The following STK3 variants were observed in gnomAD, a reference collection of about 807,000 sequenced individuals.
STK3 encodes the protein serine/threonine-protein kinase 3.
STK3 carries 41 observed loss-of-function variants against 58.0 expected under a neutral mutation model. The ratio of observed to expected loss-of-function variants is 0.71; its 90% CI spans 0.55 to 0.92. STK3 has a LOEUF of 0.92. Among genes scored for constraint, STK3 ranks in the 40% least tolerant of loss-of-function variants. The pLI is 0.00. For synonymous variants in STK3, 170 were observed against 191.0 expected, an observed-to-expected ratio of 0.89 and a Z score of 0.91; for missense variants, 479 against 602.7, an observed-to-expected ratio of 0.79 and a Z score of 2.15.
chr8:98,408,682 G>A (rs1441196729), intron 3 of STK3, among the ~76,000 whole-genome samples: 1 of 152,198 alleles, frequency 6.6e-6, no homozygotes, highest in Non-Finnish European at 1.5e-5. Flanking sequence ...TAAAATGTTA[G>A]ATCAGAAAAA....
At chr8:98,647,817 T>TATCTAA (rs1259133234) in intron 6 of STK3, among the ~76,000 whole-genome samples, 53 of 152,336 alleles carry the variant, frequency 3.5e-4, no homozygotes, top group African/African-American at 1.2e-3. Flanking sequence ...TTGATGTCAT[T>TATCTAA]ATCTAATGTC....
intron 3 of STK3, among the ~76,000 whole-genome samples, chr8:98,859,390 C>T (rs140346364): frequency 6.6e-6 from 1 of 152,132 alleles, no homozygotes; most frequent in Non-Finnish European, 1.5e-5. Flanking sequence ...AAACAGCAGA[C>T]AATTTTGGCC....
intron 6 of STK3, among the ~76,000 whole-genome samples, chr8:98,608,292 T>C (rs1471178279): frequency 1.3e-5 from 2 of 152,206 alleles, no homozygotes; most frequent in Non-Finnish European, 2.9e-5. Flanking sequence ...ATTATTTTTA[T>C]GAAAATAGTA....
intron 6 of STK3, among the ~76,000 whole-genome samples, chr8:98,679,615 C>T (rs1823479489): frequency 6.6e-6 from 1 of 152,134 alleles, no homozygotes; most frequent in African/African-American, 2.4e-5. Flanking sequence ...TTTCCTGCTG[C>T]TGCATCCCTA....
intron 3 of STK3, among the ~76,000 whole-genome samples, chr8:98,762,471 G>A (rs1438064468): frequency 1.3e-5 from 2 of 152,104 alleles, no homozygotes; most frequent in Admixed American, 1.3e-4. Context: ...TGCCAGGCTG[G>A]TCTCAAACTT....
At chr8:98,688,632 C>A (rs1824181995) in intron 6 of STK3, among the ~76,000 whole-genome samples, 1 of 152,158 alleles carries the variant, frequency 6.6e-6, no homozygotes, top group East Asian at 1.9e-4. Flanking sequence ...CTCAAAACCA[C>A]ATAAATACAT....
At chr8:98,471,337 G>T (rs896979295) in intron 10 of STK3, among the ~76,000 whole-genome samples, 1 of 151,228 alleles carries the variant, frequency 6.6e-6, no homozygotes, top group Non-Finnish European at 1.5e-5. Context: ...TAAGAAAAGA[G>T]GCCTGGTTTT....
At chr8:98,709,030 G>T (rs184616794) in intron 4 of STK3, among the ~76,000 whole-genome samples, 18 of 151,816 alleles carry the variant, frequency 1.2e-4, no homozygotes, top group Admixed American at 1.0e-3. Context: ...AAGGAGAGAG[G>T]GGGTAGAGAT....
chr8:98,614,086 A>G (rs568095005), intron 6 of STK3, among the ~76,000 whole-genome samples: 1 of 152,226 alleles, frequency 6.6e-6, no homozygotes, highest in Non-Finnish European at 1.5e-5. Context: ...TAAATTCACC[A>G]TTATCAGTAG....
At chr8:98,922,324 G>C (rs181189867) in intron 1 of STK3, among the ~76,000 whole-genome samples, 71 of 152,234 alleles carry the variant, frequency 4.7e-4, no homozygotes, top group African/African-American at 1.6e-3. Context: ...AAAATATTCT[G>C]GGTTATTGGG....
Position 98,937,900 on chromosome 8 carries a change from G to T in STK3, c.-79+4478C>A, listed in dbSNP as rs72668462. On this transcript the variant is annotated intron_variant, in intron 1 of 1. Coordinates refer to the STK3 transcript ENST00000519420. ...TGAATGTTACTATATCAAACCATCT[G>T]CACTGGGAAGCAAAATTCTGTTAAG... 8.0e-3 allele frequency among the ~76,000 whole-genome samples: 1,216 copies of T among 152,318 alleles called. 11 individuals are homozygous for T. The highest frequency in any genetic ancestry group is 0.04 in the South Asian group (192 of 4,832).
intron 4 of STK3, among the ~76,000 whole-genome samples, chr8:98,713,896 A>G (rs1403664488): frequency 3.3e-5 from 5 of 152,170 alleles, no homozygotes; most frequent in African/African-American, 1.2e-4. Context: ...ATACTGACAA[A>G]CCGAATCCAG....
At chr8:98,464,541 A>T (rs113342773) in intron 10 of STK3, among the ~76,000 whole-genome samples, 463 of 22,762 alleles carry the variant, frequency 0.02, 2 homozygotes, top group African/African-American at 0.099. Context: ...ACTTAAAGTT[A>T]AAAAAAAAAA....
intron 1 of STK3, among the ~76,000 whole-genome samples, chr8:98,925,170 C>A (rs1839740300): frequency 6.6e-6 from 1 of 152,210 alleles, no homozygotes; most frequent in African/African-American, 2.4e-5. Flanking sequence ...AGACTCAATG[C>A]TACTTCTCTC....
intron 4 of STK3, among the ~76,000 whole-genome samples, chr8:98,747,054 A>T (rs946540260): frequency 1.3e-5 from 2 of 151,868 alleles, no homozygotes; most frequent in Admixed American, 6.6e-5. Context: ...AAAAAGGAAA[A>T]AAGAAAACAT....
chr8:98,584,071 T>A (rs191095605), intron 7 of STK3, among the ~76,000 whole-genome samples: 1,838 of 152,036 alleles, frequency 0.012, 20 homozygotes, highest in Non-Finnish European at 0.016. Context: ...GAGAAGGTAG[T>A]GAAAATCTTT....
chr8:98,721,107 G>A (rs1827387646), intron 4 of STK3: 1 of 985,290 alleles, frequency 1.0e-6, no homozygotes, highest in Non-Finnish European at 1.2e-6. Context: ...CTTTCACCCT[G>A]AGTACATTAA....
rs374037403 is a variant in STK3, at chr8:98,526,733, T to C, written c.1317+9A>G. The C allele has an allele frequency of 4.6e-6, 7 of 1,536,700 alleles. No homozygotes were observed. Among genetic ancestry groups the C allele is most frequent in the African/African-American group, 4.1e-5 (3 of 72,386 alleles). ...GAAAACATAAATTGAAGAATTAAAA[T>C]GTACTTACAAAGTCAAAGTCTCCAT... On this transcript the variant is annotated intron_variant, in intron 10 of 10. Coordinates refer to ENST00000419617, the MANE Select transcript of STK3 (RefSeq NM_006281.4).
At chr8:98,448,144 T>C (rs569445676) in intron 1 of STK3, among the ~76,000 whole-genome samples, 1 of 152,262 alleles carries the variant, frequency 6.6e-6, no homozygotes, top group East Asian at 1.9e-4. Flanking sequence ...GCTGAAACTT[T>C]TAAAGGTCCA....
Sources: allele counts gnomAD v4.1 joint callset (sites outside exome capture counted in the v4.1 genomes callset), GRCh38; gene constraint gnomAD v4.1.1; transcripts MANE v1.5; gene names NCBI Gene and HGNC (gene_info 2026-07-23, HGNC 2026-07-21).